Variants in SRPK1 observed in about 807,000 individuals in gnomAD.
SRPK1 encodes SFRS protein kinase 1.
A neutral mutation model predicts 89.5 loss-of-function variants in SRPK1; 52 were observed. The observed-to-expected ratio is 0.58, with a 90% CI of 0.46 to 0.73. The LOEUF (loss-of-function observed/expected upper bound fraction) is 0.73. Ranked by LOEUF, SRPK1 falls within the 30% of genes least tolerant of loss-of-function variation. SRPK1 has a pLI of 0.00. For synonymous variants in SRPK1, 255 were observed against 270.2 expected (o/e 0.94, Z 0.55); for missense variants, 603 against 780.6 (o/e 0.77, Z 2.71).
chr6:35,890,095 C>T (rs1369836725), intron 3 of SRPK1, among the ~76,000 whole-genome samples: 3 of 152,038 alleles, frequency 2.0e-5, no homozygotes, highest in African/African-American at 4.8e-5. Context: ...GGCGACAGAG[C>T]GAGACTCCGC....
At chr6:35,909,223 C>T (rs144326561) in intron 2 of SRPK1, among the ~76,000 whole-genome samples, 298 of 152,344 alleles carry the variant, frequency 2.0e-3, no homozygotes, top group African/African-American at 6.9e-3. Context: ...CTATGGGATC[C>T]CACCCCTTGC....
intron 13 of SRPK1, among the ~76,000 whole-genome samples, chr6:35,854,682 C>G (rs1769630070): frequency 6.6e-6 from 1 of 151,688 alleles, no homozygotes; most frequent in Non-Finnish European, 1.5e-5. Context: ...CAAGCAGGAT[C>G]TACTGCCCCC....
At position 35,857,274 on chromosome 6, in the gene SRPK1, C is replaced by A; in HGVS notation, c.1607G>T (p.Ser536Ile). Residue 536 changes from serine to isoleucine, a missense_variant, in exon 13 of 16, where the codon AGC becomes ATC. By Grantham distance (142) the Ser-to-Ile change is moderately radical. Transcript: ENST00000373825. ...SGYNTPADIW[S>I]TACMAFELAT... ...AAAAAACATTACCATGCATGCCGTG[C>A]TCCAAATGTCAGCAGGGGTATTATA... The A allele has an allele frequency of 6.2e-7, 1 of 1,612,054 alleles. No individual in the cohort carries two copies. The highest frequency in any genetic ancestry group is 8.5e-7 in the Non-Finnish European group (1 of 1,178,844).
chr6:35,870,665 A>C (rs1467755083), intron 9 of SRPK1, among the ~76,000 whole-genome samples, 171 bp from the exon 10 acceptor site: 2 of 152,188 alleles, frequency 1.3e-5, no homozygotes, highest in Non-Finnish European at 2.9e-5. Flanking sequence ...TTATAAACCC[A>C]AATAAAAACA....
intron 13 of SRPK1, 42 bp from the exon 14 acceptor site, chr6:35,842,646 A>T (rs1210719058): frequency 6.6e-7 from 1 of 1,521,208 alleles, no homozygotes; most frequent in Non-Finnish European, 8.9e-7. Flanking sequence ...ACAAAAGAAA[A>T]GAAGGCCTTT....
intron 1 of SRPK1, chr6:35,920,806 G>A (rs1771220485): frequency 4.3e-6 from 2 of 462,532 alleles, no homozygotes; most frequent in Admixed American, 4.5e-5. Flanking sequence ...TGGCCCCAAG[G>A]CGCGAGCCGG....
In SRPK1 at chr6:35,835,114, T is replaced by G. The variant is rs1769149805; in HGVS notation, c.*190A>C. 4 of 505,424 alleles carry G rather than the reference T, an allele frequency of 7.9e-6. No individual in the cohort carries two copies. Among genetic ancestry groups the G allele is most frequent in the Non-Finnish European group, 1.0e-5 (3 of 292,642 alleles). The allele number at this position is 505,424 out of a possible 1,614,324, so 31.3% of individuals were successfully genotyped here. A position where few individuals can be genotyped will look rare whatever the true frequency, so the allele number is the denominator to read the frequency against. On this transcript the variant is annotated 3_prime_UTR_variant, in exon 16 of 16. Coordinates refer to ENST00000373825, the MANE Select transcript of SRPK1 (RefSeq NM_003137.5). Reference sequence around the variant, plus strand: ...CAACCAAGGCCAAATTCACCTAGGATGCCCAATGGCTGTGGGGATCTCCAC... The same window carrying G: ...CAACCAAGGCCAAATTCACCTAGGAGGCCCAATGGCTGTGGGGATCTCCAC...
At chr6:35,882,062 CAGTAGTAGCAGTAGT>C (rs1170830673) in intron 6 of SRPK1, among the ~76,000 whole-genome samples, 459 of 142,898 alleles carry the variant, frequency 3.2e-3, no homozygotes, top group African/African-American at 6.8e-3. Flanking sequence ...TAAGAACAAC[CAGTAGTAGCAGTAGT>C]AGTAGTAGCA....
chr6:35,897,396 A>G (rs946839417), intron 2 of SRPK1, among the ~76,000 whole-genome samples: 1 of 152,278 alleles, frequency 6.6e-6, no homozygotes, highest in Admixed American at 6.5e-5. Flanking sequence ...GTGCACGTCT[A>G]TCCAACTATT....
intron 5 of SRPK1, chr6:35,887,710 A>G (rs1770439203): frequency 9.3e-6 from 2 of 215,432 alleles, no homozygotes; most frequent in Admixed American, 1.1e-4. Flanking sequence ...TTTTAACCAT[A>G]GTAGGAAAAA....
At position 35,869,780 on chromosome 6, in the gene SRPK1, A is replaced by G; in HGVS notation, c.1113T>C (p.Asn371=). 6.2e-7 allele frequency: 1 copy of G among 1,613,884 alleles called. No individual in the cohort carries two copies. The highest frequency in any genetic ancestry group is 8.5e-7 in the Non-Finnish European group (1 of 1,179,836). ...GATCCTCTTTATGTCTCAATGTTTC[A>G]TTATTACTGTTCTGAGTATAATTAA... ...EVINYTQNSN[N]ETLRHKEDLH... Residue 371 remains asparagine (N), a synonymous_variant, in exon 11 of 16, where the codon AAT becomes AAC. Coordinates refer to ENST00000373825, the MANE Select transcript of SRPK1 (RefSeq NM_003137.5).
intron 2 of SRPK1, among the ~76,000 whole-genome samples, chr6:35,915,685 T>C (rs1324341238): frequency 6.6e-6 from 1 of 151,902 alleles, no homozygotes; most frequent in Non-Finnish European, 1.5e-5. Context: ...TTTAAAGGTA[T>C]ATACAGGCCA....
intron 2 of SRPK1, among the ~76,000 whole-genome samples, chr6:35,891,727 C>CAA (rs71540131): frequency 1.1e-3 from 100 of 93,978 alleles, no homozygotes; most frequent in African/African-American, 2.4e-3. Context: ...AACTCTGTCT[C>CAA]AAAAAAAAAA....
At chr6:35,894,624 T>G (rs1770592561) in intron 2 of SRPK1, among the ~76,000 whole-genome samples, 1 of 152,132 alleles carries the variant, frequency 6.6e-6, no homozygotes, top group Non-Finnish European at 1.5e-5. Context: ...AAGAAGACTC[T>G]AAAGGCTTCT....
intron 13 of SRPK1, among the ~76,000 whole-genome samples, chr6:35,855,475 CTT>C (rs1276809685): frequency 1.3e-5 from 2 of 152,208 alleles, no homozygotes; most frequent in Non-Finnish European, 2.9e-5. Context: ...TATCTGCCCT[CTT>C]TCTCAAGTTT....
At chr6:35,842,670 C>T in intron 13 of SRPK1, 66 bp from the exon 14 acceptor site, 1 of 1,211,692 alleles carries the variant, frequency 8.3e-7, no homozygotes, top group Non-Finnish European at 1.1e-6. Flanking sequence ...AAGCTGATTG[C>T]TATTTGGCTC....
chr6:35,905,901 T>G (rs1770838177), intron 2 of SRPK1, among the ~76,000 whole-genome samples: 1 of 152,190 alleles, frequency 6.6e-6, no homozygotes, highest in Admixed American at 6.5e-5. Context: ...AAACACAACT[T>G]ATTTCCTAAG....
chr6:35,901,845 C>G (rs1400905630), intron 2 of SRPK1, among the ~76,000 whole-genome samples: 1 of 152,092 alleles, frequency 6.6e-6, no homozygotes, highest in Non-Finnish European at 1.5e-5. Context: ...TTTATCCAAA[C>G]TTAACTTCTG....
intron 13 of SRPK1, among the ~76,000 whole-genome samples, chr6:35,853,150 CG>C (rs1769591468): frequency 6.6e-6 from 1 of 151,696 alleles, no homozygotes; most frequent in South Asian, 2.1e-4. Context: ...TACTCGTTGG[CG>C]GGGGGAAGGG....
Sources: gnomAD v4.1 joint callset for allele counts (sites outside exome capture counted in the v4.1 genomes callset) on GRCh38, gnomAD v4.1.1 for gene constraint, MANE v1.5 for transcripts, NCBI Gene and HGNC (gene_info 2026-07-23, HGNC 2026-07-21) for gene names.